The following PLCG2 variants were observed in gnomAD, a reference collection of about 807,000 sequenced individuals.
The protein encoded by PLCG2 is 1-phosphatidylinositol 4,5-bisphosphate phosphodiesterase gamma-2.
In PLCG2, 69 loss-of-function variants were observed where a neutral mutation model predicts 175.6. The ratio of observed to expected loss-of-function variants is 0.39; its 90% CI spans 0.32 to 0.48. The LOEUF (loss-of-function observed/expected upper bound fraction) is 0.48. PLCG2 is among the 20% of genes least tolerant of loss of function. PLCG2 has a pLI of 0.91. For synonymous variants in PLCG2, 827 were observed against 624.0 expected (o/e 1.33, Z -4.85); for missense variants, 1,798 against 1,650.9 (o/e 1.09, Z -1.54).
chr16:81,754,726 T>C (rs1245930782), intron 1 of PLCG2, among the ~76,000 whole-genome samples: 4 of 151,766 alleles, frequency 2.6e-5, no homozygotes, highest in Admixed American at 1.3e-4. Flanking sequence ...GTCTGAAGTA[T>C]GTGTGGGAGG....
chr16:81,895,611 A>G (rs1209644303), intron 12 of PLCG2, 196 bp from the exon 13 acceptor site: 2 of 561,568 alleles, frequency 3.6e-6, no homozygotes, highest in Non-Finnish European at 6.3e-6. Context: ...CTTGTCTTGG[A>G]CAGCTGCACT....
intron 1 of PLCG2, among the ~76,000 whole-genome samples, chr16:81,745,196 C>G (rs113057411): frequency 1.3e-5 from 2 of 152,148 alleles, no homozygotes; most frequent in African/African-American, 4.8e-5. Flanking sequence ...CAATCTTAAT[C>G]GGTCTAAGCC....
chr16:81,810,080 C>G (rs913395115), intron 2 of PLCG2, among the ~76,000 whole-genome samples: 2 of 152,092 alleles, frequency 1.3e-5, no homozygotes, highest in Non-Finnish European at 2.9e-5. Context: ...CAACCTCCTC[C>G]TCCTGGGTTC....
chr16:81,951,904 T>C (rs1384918566), intron 31 of PLCG2, among the ~76,000 whole-genome samples: 2 of 152,200 alleles, frequency 1.3e-5, no homozygotes, highest in Non-Finnish European at 2.9e-5. Flanking sequence ...AAATTTAAAC[T>C]GTACAAATTC....
intron 2 of PLCG2, among the ~76,000 whole-genome samples, chr16:81,841,479 G>A (rs1273040324): frequency 6.6e-6 from 1 of 152,034 alleles, no homozygotes; most frequent in African/African-American, 2.4e-5. Context: ...GACCTCAAGT[G>A]ATCTGCCCAC....
intron 19 of PLCG2, among the ~76,000 whole-genome samples, chr16:81,919,005 C>A (rs138188815): frequency 5.7e-4 from 87 of 152,150 alleles, no homozygotes; most frequent in African/African-American, 2.0e-3. Context: ...TGAAGGACCA[C>A]AGAGTGAATA....
At chr16:81,905,811 C>T (rs983309307) in intron 15 of PLCG2, among the ~76,000 whole-genome samples, 1 of 152,098 alleles carries the variant, frequency 6.6e-6, no homozygotes, top group Non-Finnish European at 1.5e-5. Context: ...ACGTGCGCAC[C>T]ACCATGCCTG....
At chr16:81,806,705 G>C (rs142792946) in intron 2 of PLCG2, among the ~76,000 whole-genome samples, 23 of 152,232 alleles carry the variant, frequency 1.5e-4, no homozygotes, top group Non-Finnish European at 2.6e-4. Flanking sequence ...GAGGGTCCAG[G>C]TGTGGGGCTG....
chr16:81,916,525 T>C (rs770680325), intron 19 of PLCG2, among the ~76,000 whole-genome samples: 4 of 152,200 alleles, frequency 2.6e-5, no homozygotes, highest in African/African-American at 9.7e-5. Flanking sequence ...TTTTGAAATA[T>C]GTATACATGG....
chr16:81,860,175 T>TTTA (rs1906907626), intron 5 of PLCG2, among the ~76,000 whole-genome samples: 16 of 89,380 alleles, frequency 1.8e-4, no homozygotes, highest in East Asian at 9.4e-4. Context: ...TATTATTATT[T>TTTA]TTTTTTTTTT....
chr16:81,952,323 A>G (rs1271040902), intron 31 of PLCG2, among the ~76,000 whole-genome samples: 1 of 152,160 alleles, frequency 6.6e-6, no homozygotes, highest in Non-Finnish European at 1.5e-5. Context: ...TACTACAAAT[A>G]CATACATATC....
intron 9 of PLCG2, among the ~76,000 whole-genome samples, chr16:81,888,913 G>A (rs758888416): frequency 2.0e-5 from 3 of 152,152 alleles, no homozygotes; most frequent in Non-Finnish European, 2.9e-5. Context: ...ACACAACAGC[G>A]GAGTTGAGTG....
intron 2 of PLCG2, among the ~76,000 whole-genome samples, chr16:81,814,223 G>A (rs1904439556): frequency 2.0e-5 from 3 of 152,134 alleles, no homozygotes; most frequent in Admixed American, 6.6e-5. Context: ...CTGTCTTTTT[G>A]CTTGTTTTCT....
Position 81,817,097 on chromosome 16 carries a change from C to T in PLCG2, c.193+30915C>T, listed in dbSNP as rs76199444. On this transcript the variant is annotated intron_variant, in intron 2 of 32. Coordinates refer to ENST00000564138, the MANE Select transcript of PLCG2 (RefSeq NM_002661.5). ...AGTTTTGAAGGCTGGTGGGGAGAGA[C>T]GGATGGTAAACAGGGAGGTGAAGAC... Among the ~76,000 whole-genome samples the T allele has an allele frequency of 5.9e-3, 898 of 152,098 alleles. 8 individuals are homozygous for T. The highest frequency in any genetic ancestry group is 0.021 in the African/African-American group (872 of 41,486).
intron 5 of PLCG2, among the ~76,000 whole-genome samples, chr16:81,868,521 G>A (rs1371723366): frequency 6.6e-6 from 1 of 152,188 alleles, no homozygotes; most frequent in Admixed American, 6.5e-5. Context: ...CCTCTGGGTG[G>A]CAGGTAGAGT....
chr16:81,917,549 C>A (rs1247846047), intron 19 of PLCG2, among the ~76,000 whole-genome samples: 2 of 152,174 alleles, frequency 1.3e-5, no homozygotes, highest in African/African-American at 4.8e-5. Flanking sequence ...ACATCCCCAC[C>A]AGCACTTCTC....
At chr16:81,871,319 A>G (rs774055867) in intron 7 of PLCG2, among the ~76,000 whole-genome samples, 2 of 152,078 alleles carry the variant, frequency 1.3e-5, no homozygotes, top group African/African-American at 4.8e-5. Flanking sequence ...GGAATTATAT[A>G]TATGTTTCTT....
intron 1 of PLCG2, among the ~76,000 whole-genome samples, chr16:81,755,308 C>T (rs905965223): frequency 9.2e-5 from 14 of 151,748 alleles, no homozygotes; most frequent in Non-Finnish European, 1.9e-4. Context: ...GTGATCCTCC[C>T]GCCTCAGTCT....
chr16:81,814,143 A>G (rs1052317972), intron 2 of PLCG2, among the ~76,000 whole-genome samples: 2 of 152,164 alleles, frequency 1.3e-5, no homozygotes, highest in Admixed American at 6.5e-5. Context: ...GTTAGTGCCA[A>G]ACTTTGGGGC....
Sources: gnomAD v4.1 joint callset for allele counts (sites outside exome capture counted in the v4.1 genomes callset) on GRCh38, gnomAD v4.1.1 for gene constraint, MANE v1.5 for transcripts, NCBI Gene and HGNC (gene_info 2026-07-23, HGNC 2026-07-21) for gene names.